The following NWD1 variants were observed in gnomAD, a reference collection of about 807,000 sequenced individuals.
NWD1 encodes the protein NACHT and WD repeat domain containing 1.
NWD1 carries 129 observed loss-of-function variants against 135.1 expected under a neutral mutation model. The observed-to-expected ratio is 0.96, with a 90% CI of 0.83 to 1.11. NWD1 has a LOEUF of 1.11. Among genes scored for constraint, NWD1 ranks in the 50% least tolerant of loss-of-function variants. The pLI is 0.00. For missense variants in NWD1, 1,740 were observed against 1,851.3 expected (o/e 0.94, Z 1.10); for synonymous variants, 773 against 786.0 (o/e 0.98, Z 0.28).
At chr19:16,785,950 C>T (rs752985268) in intron 12 of NWD1, among the ~76,000 whole-genome samples, 4 of 151,722 alleles carry the variant, frequency 2.6e-5, no homozygotes, top group Admixed American at 6.6e-5. Flanking sequence ...CTGCAACCTC[C>T]GCCTCCCAGG....
chr19:16,806,657 G>T (rs747193259), intron 17 of NWD1, among the ~76,000 whole-genome samples: 6 of 152,000 alleles, frequency 3.9e-5, no homozygotes, highest in Non-Finnish European at 7.4e-5. Flanking sequence ...GCTGCAGTGA[G>T]CCATGTTCGT....
chr19:16,764,970 A>G, intron 9 of NWD1, 64 bp from the exon 10 acceptor site: 1 of 1,551,098 alleles, frequency 6.4e-7, no homozygotes, highest in Non-Finnish European at 8.8e-7. Flanking sequence ...ATGATTCTCC[A>G]CCTCCCAGGA....
At position 16,807,896 on chromosome 19, in the gene NWD1, G is replaced by A. The variant is rs1248600898; in HGVS notation, c.4047G>A (p.Glu1349=). ...ACACCTTTTACACTCAGCTGCCCGA[G>A]ACCCTCTCCAGCGTGGCCATTCTGA... The part of the protein sequence containing the change: ...PRYTFYTQLP[E]TLSSVAILTD... Residue 1349 remains glutamate (E), a synonymous_variant, in exon 18 of 19, where the codon GAG becomes GAA. Transcript: ENST00000524140. The A allele has an allele frequency of 1.2e-6, 2 of 1,614,196 alleles. No individual in the cohort carries two copies. Among genetic ancestry groups the A allele is most frequent in the Non-Finnish European group, 1.7e-6 (2 of 1,180,038 alleles).
At chr19:16,783,164 T>A (rs989243149) in intron 12 of NWD1, among the ~76,000 whole-genome samples, 1 of 151,952 alleles carries the variant, frequency 6.6e-6, no homozygotes, top group Non-Finnish European at 1.5e-5. Context: ...CCTGAAGAGC[T>A]AGGAGCACAG....
chr19:16,732,655 A>AAAAAAAAAAC (rs1967623504), intron 3 of NWD1, among the ~76,000 whole-genome samples: 1 of 60,674 alleles, frequency 1.6e-5, no homozygotes, highest in Non-Finnish European at 3.7e-5. Context: ...ACTTCATCTC[A>AAAAAAAAAAC]AAAAAAAAAA....
chr19:16,789,493 T>A (rs763053865), intron 13 of NWD1, among the ~76,000 whole-genome samples: 1 of 152,204 alleles, frequency 6.6e-6, no homozygotes, highest in African/African-American at 2.4e-5. Context: ...TTTTGACGTG[T>A]GTTTTCATTT....
At chr19:16,792,308 A>AGG (rs541564928) in intron 14 of NWD1, among the ~76,000 whole-genome samples, 1 of 151,730 alleles carries the variant, frequency 6.6e-6, no homozygotes, top group East Asian at 2.0e-4. Flanking sequence ...TGGGAGGCTG[A>AGG]GGGGGGGTGG....
chr19:16,740,318 A>C (rs1298632090), intron 4 of NWD1, among the ~76,000 whole-genome samples: 1 of 151,812 alleles, frequency 6.6e-6, no homozygotes, highest in Non-Finnish European at 1.5e-5. Flanking sequence ...AAAGAAGAAA[A>C]AAGAATAGAA....
chr19:16,792,336 G>T (rs1970275629), intron 14 of NWD1, among the ~76,000 whole-genome samples: 1 of 151,930 alleles, frequency 6.6e-6, no homozygotes, highest in African/African-American at 2.4e-5. Flanking sequence ...GAGGTCAGGA[G>T]TTCGAGACCA....
intron 7 of NWD1, 138 bp downstream of exon 7, chr19:16,759,566 C>T: frequency 1.5e-6 from 1 of 667,048 alleles, no homozygotes; most frequent in South Asian, 1.8e-5. Context: ...AACTCTGACA[C>T]AATTCACTTA....
intron 10 of NWD1, among the ~76,000 whole-genome samples, chr19:16,772,732 G>A (rs557845377): frequency 6.6e-6 from 1 of 152,242 alleles, no homozygotes; most frequent in Non-Finnish European, 1.5e-5. Context: ...GTATTTGGGA[G>A]GCTGAGATGG....
intron 17 of NWD1, 139 bp from the exon 18 acceptor site, chr19:16,807,447 C>T (rs776680690): frequency 2.5e-5 from 16 of 628,508 alleles, no homozygotes; most frequent in African/African-American, 9.0e-5. Flanking sequence ...GACCTGAGAT[C>T]GTGCTATTGC....
intron 11 of NWD1, among the ~76,000 whole-genome samples, chr19:16,774,935 C>G (rs889545366): frequency 6.6e-6 from 1 of 152,038 alleles, no homozygotes; most frequent in Non-Finnish European, 1.5e-5. Flanking sequence ...TCCATCTACC[C>G]ATCTACCTGC....
intron 17 of NWD1, among the ~76,000 whole-genome samples, chr19:16,803,477 G>A (rs1970662473): frequency 6.6e-6 from 1 of 152,026 alleles, no homozygotes; most frequent in African/African-American, 2.4e-5. Flanking sequence ...GTCAAAAACA[G>A]GTTTTCATTA....
intron 18 of NWD1, 121 bp from the exon 19 acceptor site, chr19:16,814,907 A>C (rs781740345): frequency 2.5e-6 from 2 of 786,268 alleles, no homozygotes; most frequent in Non-Finnish European, 4.1e-6. Context: ...AATAAATGTC[A>C]TGCCAAAATT....
At chr19:16,789,749 G>A (rs1214211430) in intron 13 of NWD1, among the ~76,000 whole-genome samples, 4 of 124,082 alleles carry the variant, frequency 3.2e-5, no homozygotes, top group Non-Finnish European at 6.3e-5. Context: ...ATGGAGTCCT[G>A]CTCTGTCGCC....
At chr19:16,808,276 G>A (rs1260307903) in intron 18 of NWD1, 140 bp downstream of exon 18, 18 of 757,644 alleles carry the variant, frequency 2.4e-5, no homozygotes, top group Non-Finnish European at 3.4e-5. Flanking sequence ...TTGGTCAGGC[G>A]CAGTGGCTCA....
chr19:16,772,453 C>G (rs1010298006), intron 10 of NWD1, among the ~76,000 whole-genome samples: 2 of 152,012 alleles, frequency 1.3e-5, no homozygotes, highest in Non-Finnish European at 2.9e-5. Context: ...TGAGGTCAGC[C>G]CAGCCAACAT....
intron 1 of NWD1, among the ~76,000 whole-genome samples, chr19:16,721,031 G>C (rs1967115539): frequency 6.6e-6 from 1 of 152,088 alleles, no homozygotes; most frequent in Non-Finnish European, 1.5e-5. Context: ...TGTATTTTTA[G>C]TAGAGATGGG....
Sources: allele counts gnomAD v4.1 joint callset (sites outside exome capture counted in the v4.1 genomes callset), GRCh38; gene constraint gnomAD v4.1.1; transcripts MANE v1.5; gene names NCBI Gene and HGNC (gene_info 2026-07-23, HGNC 2026-07-21).